Variants in BLNK observed in about 807,000 individuals in gnomAD.
The protein encoded by BLNK is B-cell linker protein.
A neutral mutation model predicts 73.5 loss-of-function variants in BLNK; 29 were observed. That is an observed-to-expected ratio of 0.39 (90% CI 0.29 to 0.54). BLNK has a LOEUF of 0.54. Among genes scored for constraint, BLNK ranks in the 20% least tolerant of loss-of-function variants. The probability of loss-of-function intolerance (pLI) is 0.61; values close to 1 mark genes in which losing one functional copy is unlikely to be tolerated. For synonymous variants in BLNK, 176 were observed against 200.8 expected, an observed-to-expected ratio of 0.88 and a Z score of 1.04; for missense variants, 460 against 562.8, an observed-to-expected ratio of 0.82 and a Z score of 1.85.
chr10:96,265,582 A>G lies in BLNK; in HGVS notation c.47+5770T>C, dbSNP rs12244695. On this transcript the variant is annotated intron_variant, in intron 1 of 16. Transcript: ENST00000224337. ...GAACATCAAATTGAAATGCAGGCCT[A>G]AGGATTTATTGCCCCTCCTCTAGGC... Among the ~76,000 whole-genome samples, 638 of 152,292 alleles carry G rather than the reference A, an allele frequency of 4.2e-3. 7 individuals carry two copies. Among genetic ancestry groups the G allele is most frequent in the African/African-American group, 0.015 (605 of 41,552 alleles).
intron 8 of BLNK, among the ~76,000 whole-genome samples, chr10:96,215,066 A>G (rs2084032757): frequency 6.6e-6 from 1 of 152,118 alleles, no homozygotes; most frequent in African/African-American, 2.4e-5. Flanking sequence ...TCAGTCAAGG[A>G]AGGGGACACA....
At chr10:96,207,674 T>C (rs1183322982) in intron 10 of BLNK, among the ~76,000 whole-genome samples, 198 bp downstream of exon 10, 2 of 152,180 alleles carry the variant, frequency 1.3e-5, no homozygotes, top group Non-Finnish European at 2.9e-5. Context: ...GAGGATGAGC[T>C]CCTTCTATGC....
chr10:96,216,839 TATC>T (rs2084079020), intron 6 of BLNK, 105 bp from the exon 7 acceptor site: 2 of 925,190 alleles, frequency 2.2e-6, no homozygotes, highest in Middle Eastern at 2.7e-4. Flanking sequence ...GCAATTCACA[TATC>T]ATAAAATTCT....
intron 6 of BLNK, 25 bp from the exon 7 acceptor site, chr10:96,216,759 A>G (rs1554899978): frequency 1.9e-6 from 3 of 1,586,654 alleles, no homozygotes; most frequent in African/African-American, 1.3e-5. Context: ...AAACTGAATG[A>G]GAAGAATGCT....
intron 16 of BLNK, 85 bp from the exon 17 acceptor site, chr10:96,192,177 A>G (rs1484290377): frequency 2.6e-6 from 4 of 1,550,812 alleles, no homozygotes; most frequent in Non-Finnish European, 3.5e-6. Flanking sequence ...CTCATTCTCA[A>G]GTTAGTAAAA....
At chr10:96,201,725 A>G (rs587719825) in intron 13 of BLNK, among the ~76,000 whole-genome samples, 1 of 144,924 alleles carries the variant, frequency 6.9e-6, no homozygotes, top group African/African-American at 2.5e-5. Context: ...TGAAATACGA[A>G]AAAGACTTAT....
chr10:96,260,086 C>T (rs1843688416), intron 1 of BLNK, among the ~76,000 whole-genome samples: 1 of 152,154 alleles, frequency 6.6e-6, no homozygotes, highest in African/African-American at 2.4e-5. Flanking sequence ...CATTGGAATG[C>T]TTGCTGGACT....
intron 3 of BLNK, among the ~76,000 whole-genome samples, chr10:96,233,048 C>T (rs1842565279): frequency 6.6e-6 from 1 of 152,222 alleles, no homozygotes; most frequent in Non-Finnish European, 1.5e-5. Flanking sequence ...TCAAATGACT[C>T]ACCTGCCTCT....
At chr10:96,252,304 G>T (rs570219898) in intron 1 of BLNK, among the ~76,000 whole-genome samples, 2 of 152,114 alleles carry the variant, frequency 1.3e-5, no homozygotes, top group Non-Finnish European at 1.5e-5. Flanking sequence ...GCCTGCCCCG[G>T]GCTCCCAAAG....
In BLNK at chr10:96,215,352, T is replaced by C; in HGVS notation, c.645A>G (p.Ser215=). ...MVNRSTKPNS[S]TPASPPGTAS... is the part of the protein sequence containing the mutation. ...CTGTTCCTGGAGGAGAGGCGGGCGT[T>C]GAGGAATTTGGCTTGGTTGATCTAT... The change falls in exon 8 of 17, where the codon TCA becomes TCG. Residue 215 remains serine (S), a synonymous_variant. Transcript: ENST00000224337. 1.9e-6 allele frequency: 3 copies of C among 1,614,036 alleles called. No homozygotes were observed. Among genetic ancestry groups the C allele is most frequent in the Admixed American group, 3.3e-5 (2 of 60,026 alleles).
At chr10:96,237,478 C>G (rs12765376) in intron 3 of BLNK, among the ~76,000 whole-genome samples, 110,752 of 151,924 alleles carry the variant, frequency 0.73, 42,175 homozygotes, top group Non-Finnish European at 0.83. Flanking sequence ...CCATCAGAGC[C>G]CTGGACATCA....
At position 96,229,654 on chromosome 10, in the gene BLNK, CTG is replaced by C. The variant is rs10625497; in HGVS notation, c.204+1138_204+1139del. Among the ~76,000 whole-genome samples the C allele has an allele frequency of 5.9e-3, 837 of 142,652 alleles. 15 individuals are homozygous for C. The highest frequency in any genetic ancestry group is 0.018 in the African/African-American group (687 of 38,096). The allele number at this position is 142,652 out of a possible 152,430, so 93.6% of individuals were successfully genotyped here. On this transcript the variant is annotated intron_variant, in intron 4 of 16. Transcript: ENST00000224337. ...AGCAATTTCTTTGCTTTACATGTGG[CTG>C]TGTGTGTGTGTGTGTGTGTGTGTGT...
intron 5 of BLNK, among the ~76,000 whole-genome samples, chr10:96,225,212 A>C (rs894531979): frequency 6.6e-6 from 1 of 152,172 alleles, no homozygotes; most frequent in African/African-American, 2.4e-5. Context: ...GTTTTAGGAA[A>C]ATCTTGGCAT....
intron 6 of BLNK, among the ~76,000 whole-genome samples, chr10:96,222,919 T>G (rs1351881284): frequency 6.6e-6 from 1 of 152,048 alleles, no homozygotes; most frequent in Non-Finnish European, 1.5e-5. Context: ...CAGGAGACCA[T>G]CAGGTGATTG....
chr10:96,238,938 G>A (rs1842791831), intron 3 of BLNK: 1 of 392,930 alleles, frequency 2.5e-6, no homozygotes, highest in South Asian at 1.4e-4. Context: ...CAGATCCCCT[G>A]GAGATCTTGC....
intron 1 of BLNK, among the ~76,000 whole-genome samples, chr10:96,261,394 C>T (rs1554912776): frequency 6.6e-6 from 1 of 152,142 alleles, no homozygotes; most frequent in African/African-American, 2.4e-5. Context: ...AAACCCCAGA[C>T]CCATGAAGCA....
intron 13 of BLNK, among the ~76,000 whole-genome samples, chr10:96,203,275 T>C (rs1310300980): frequency 2.0e-5 from 3 of 152,148 alleles, no homozygotes; most frequent in Non-Finnish European, 2.9e-5. Flanking sequence ...CATTTTCACT[T>C]TGTGTTGTCA....
rs1260245518 is a variant in BLNK at position 96,246,960 on chromosome 10, G to A, written c.113+24C>T. On this transcript the variant is annotated intron_variant, in intron 2 of 16. Coordinates refer to ENST00000224337, the MANE Select transcript of BLNK (RefSeq NM_013314.4). ...ATGTTGACTTATTTTATATAATTAA[G>A]TATTTAAATAGAGGCGAACTTACTT... 4.0e-6 allele frequency: 6 copies of A among 1,506,606 alleles called. No individual in the cohort carries two copies. The African/African-American group carries it at 4.2e-5, about 10-fold the overall frequency. The allele number at this position is 1,506,606 out of a possible 1,614,324, so 93.3% of individuals were successfully genotyped here. A position where few individuals can be genotyped will look rare whatever the true frequency, so the allele number is the denominator to read the frequency against.
chr10:96,231,586 G>T lies in BLNK; in HGVS notation c.164-752C>A, dbSNP rs374126185. The stretch of plus-strand genomic sequence containing the variant: ...TACAAAAAATAAAATAATTAGCTGG[G>T]TGTGGTGGTCCATATCTGTAGTTCC... On this transcript the variant is annotated intron_variant, in intron 3 of 16. Coordinates refer to ENST00000224337, the MANE Select transcript of BLNK (RefSeq NM_013314.4). Among the ~76,000 whole-genome samples the T allele has an allele frequency of 7.8e-4, 119 of 152,244 alleles. 1 individual carries two copies. In the South Asian group the frequency reaches 0.016, roughly 20 times the overall value.
Sources: allele counts gnomAD v4.1 joint callset (sites outside exome capture counted in the v4.1 genomes callset), GRCh38; gene constraint gnomAD v4.1.1; transcripts MANE v1.5; gene names NCBI Gene and HGNC (gene_info 2026-07-23, HGNC 2026-07-21).